SLC25A21: variants seen among roughly 807,000 people sequenced by gnomAD.
SLC25A21 encodes the protein solute carrier family 25 member 21.
Under a neutral mutation model 43.8 loss-of-function variants are expected in SLC25A21, and 47 were observed. The ratio of observed to expected loss-of-function variants is 1.07; its 90% CI spans 0.85 to 1.37. The LOEUF is 1.37. Ranked by LOEUF, SLC25A21 falls within the 40% of genes most tolerant of loss-of-function variation. The pLI is 0.00. For synonymous variants in SLC25A21, 131 were observed against 121.3 expected, an observed-to-expected ratio of 1.08 and a Z score of -0.52; for missense variants, 352 against 350.2, an observed-to-expected ratio of 1.00 and a Z score of -0.04.
chr14:37,166,513 G>C (rs997929347), intron 1 of SLC25A21, among the ~76,000 whole-genome samples: 1 of 152,228 alleles, frequency 6.6e-6, no homozygotes, highest in Non-Finnish European at 1.5e-5. Flanking sequence ...TTCTTCGTCT[G>C]TAAGTGGGGA....
At chr14:37,146,565 T>G (rs1963668673) in intron 1 of SLC25A21, among the ~76,000 whole-genome samples, 1 of 152,146 alleles carries the variant, frequency 6.6e-6, no homozygotes, top group African/African-American at 2.4e-5. Flanking sequence ...GAGTTTTACC[T>G]TCATGAAGCT....
chr14:37,094,170 T>C (rs1299280156), intron 1 of SLC25A21, among the ~76,000 whole-genome samples: 3 of 152,224 alleles, frequency 2.0e-5, no homozygotes, highest in African/African-American at 7.2e-5. Context: ...GAGTTTAGAC[T>C]TTAAAGATTT....
chr14:36,679,379 T>TTTTTA lies in SLC25A21; in HGVS notation c.*1274_*1278dup. 1.0e-6 allele frequency: 1 copy of TTTTTA among 978,868 alleles called. No individual in the cohort carries two copies. Among genetic ancestry groups the TTTTTA allele is most frequent in the Non-Finnish European group, 1.2e-6 (1 of 824,052 alleles). 60.6% of individuals were successfully genotyped at this position (978,868 alleles called of 1,614,324 possible). On this transcript the variant is annotated 3_prime_UTR_variant, in exon 10 of 10. Coordinates refer to ENST00000331299, the MANE Select transcript of SLC25A21 (RefSeq NM_030631.4). ...TAATAATTACCATGTTATCTTTTAC[T>TTTTTA]TTTTATTTTCAAAATGCTTTAGTGA...
At chr14:36,767,421 C>T (rs1886455991) in intron 3 of SLC25A21, among the ~76,000 whole-genome samples, 1 of 152,152 alleles carries the variant, frequency 6.6e-6, no homozygotes, top group African/African-American at 2.4e-5. Context: ...GTCTCTGTAC[C>T]CATGAGTATC....
intron 3 of SLC25A21, among the ~76,000 whole-genome samples, chr14:36,757,473 A>G (rs948129416): frequency 6.6e-6 from 1 of 152,238 alleles, no homozygotes; most frequent in Non-Finnish European, 1.5e-5. Context: ...ATTAAAAAAA[A>G]TCTATATATC....
chr14:36,701,955 T>A (rs1232501975), intron 7 of SLC25A21, among the ~76,000 whole-genome samples: 1 of 152,102 alleles, frequency 6.6e-6, no homozygotes, highest in African/African-American at 2.4e-5. Flanking sequence ...AGAGAGATAA[T>A]CAAGAAGAAG....
At chr14:36,945,295 G>A (rs920248822) in intron 1 of SLC25A21, among the ~76,000 whole-genome samples, 3 of 152,154 alleles carry the variant, frequency 2.0e-5, no homozygotes, top group Non-Finnish European at 2.9e-5. Context: ...GTGCCCAAGT[G>A]AGACATCTCA....
chr14:36,838,735 A>G (rs848053), intron 2 of SLC25A21, among the ~76,000 whole-genome samples: 27,087 of 152,196 alleles, frequency 0.18, 2,819 homozygotes, highest in Middle Eastern at 0.26. Flanking sequence ...ACATTCGCCA[A>G]TATTTCTGTT....
At chr14:37,097,519 G>A (rs972151631) in intron 1 of SLC25A21, among the ~76,000 whole-genome samples, 2 of 152,026 alleles carry the variant, frequency 1.3e-5, no homozygotes, top group Admixed American at 6.6e-5. Context: ...ATATTCTCAG[G>A]AAAAACACCC....
intron 1 of SLC25A21, among the ~76,000 whole-genome samples, chr14:36,975,169 G>A (rs542216543): frequency 4.5e-4 from 68 of 152,260 alleles, no homozygotes; most frequent in African/African-American, 1.5e-3. Context: ...CATATATAAA[G>A]AATTTAACTG....
chr14:37,048,744 G>C (rs1200290709), intron 1 of SLC25A21, among the ~76,000 whole-genome samples: 5 of 152,174 alleles, frequency 3.3e-5, no homozygotes, highest in African/African-American at 1.2e-4. Context: ...AAGTCTGTCT[G>C]ATTGTTCTTG....
chr14:37,018,804 C>A (rs1960919458), intron 1 of SLC25A21, among the ~76,000 whole-genome samples: 1 of 151,960 alleles, frequency 6.6e-6, no homozygotes, highest in Non-Finnish European at 1.5e-5. Context: ...ACACCACCCG[C>A]ATAATTTCAA....
intron 2 of SLC25A21, among the ~76,000 whole-genome samples, chr14:36,858,273 T>C (rs577775056): frequency 6.6e-6 from 1 of 152,300 alleles, no homozygotes; most frequent in South Asian, 2.1e-4. Context: ...GAGCCTTGTA[T>C]GCACTGGCCA....
In SLC25A21 at chr14:37,056,300, C is replaced by T. The variant is rs2138805342; in HGVS notation, c.70+115981G>A. On this transcript the variant is annotated intron_variant, in intron 1 of 9. Transcript: ENST00000331299. ...GGTCAGGAGATCAAGACCATCCTGG[C>T]TAACACAGTGAAACCCCGTCTCTAC... Among the ~76,000 whole-genome samples the T allele has an allele frequency of 2.0e-5, 3 of 152,184 alleles. No homozygotes were observed. The South Asian group carries it at 6.2e-4, about 32-fold the overall frequency.
At chr14:36,829,334 A>G (rs1888950333) in intron 2 of SLC25A21, among the ~76,000 whole-genome samples, 1 of 152,002 alleles carries the variant, frequency 6.6e-6, no homozygotes, top group Non-Finnish European at 1.5e-5. Flanking sequence ...GAGGCAGGAG[A>G]ATGGGTTTGG....
In SLC25A21 at chr14:36,680,140, A is replaced by C. The variant is rs1882152065; in HGVS notation, c.*518T>G. ...TTAAACATTCTTAAAAGGTCATTTT[A>C]GTGCACTTTAAAAAATTTTTCTTGT... On this transcript the variant is annotated 3_prime_UTR_variant, in exon 10 of 10. Coordinates refer to ENST00000331299, the MANE Select transcript of SLC25A21 (RefSeq NM_030631.4). 11 of 858,698 alleles carry C rather than the reference A, an allele frequency of 1.3e-5. No homozygotes were observed. The highest frequency in any genetic ancestry group is 1.5e-5 in the Non-Finnish European group (11 of 715,574). The allele number at this position is 858,698 out of a possible 1,614,324, so 53.2% of individuals were successfully genotyped here.
At chr14:36,871,819 A>G (rs200794342) in intron 2 of SLC25A21, among the ~76,000 whole-genome samples, 26 of 144,530 alleles carry the variant, frequency 1.8e-4, no homozygotes, top group African/African-American at 5.7e-4. Context: ...ATTTTATTTT[A>G]TTTTTTTACA....
intron 3 of SLC25A21, among the ~76,000 whole-genome samples, chr14:36,783,261 G>A (rs956990296): frequency 2.0e-5 from 3 of 151,970 alleles, no homozygotes; most frequent in Non-Finnish European, 4.4e-5. Context: ...ACAGGGTTGG[G>A]GTGGGGAGTG....
chr14:37,056,212 C>T (rs905929428), intron 1 of SLC25A21, among the ~76,000 whole-genome samples: 8 of 152,088 alleles, frequency 5.3e-5, no homozygotes, highest in African/African-American at 9.7e-5. Flanking sequence ...TAGTCTCGGC[C>T]GGGCGCTGTG....
Sources: gnomAD v4.1 joint callset for allele counts (sites outside exome capture counted in the v4.1 genomes callset) on GRCh38, gnomAD v4.1.1 for gene constraint, MANE v1.5 for transcripts, NCBI Gene and HGNC (gene_info 2026-07-23, HGNC 2026-07-21) for gene names.